SCNN1B: variants seen among roughly 807,000 people sequenced by gnomAD.
SCNN1B encodes the protein sodium channel epithelial 1 subunit beta.
A neutral mutation model predicts 65.3 loss-of-function variants in SCNN1B; 46 were observed. That is an observed-to-expected ratio of 0.70 (90% CI 0.56 to 0.90). The LOEUF is 0.90. SCNN1B is among the 40% of genes least tolerant of loss of function. The probability of loss-of-function intolerance (pLI) is 0.00; values close to 1 mark genes in which losing one functional copy is unlikely to be tolerated. For synonymous variants in SCNN1B, 349 were observed against 330.6 expected (o/e 1.06, Z -0.60); for missense variants, 751 against 830.5 (o/e 0.90, Z 1.18).
intron 1 of SCNN1B, among the ~76,000 whole-genome samples, chr16:23,309,325 CA>C (rs1171834142): frequency 1.3e-5 from 2 of 152,096 alleles, no homozygotes; most frequent in East Asian, 3.9e-4. Context: ...GACCTGCTCC[CA>C]CCCCACTATA....
chr16:23,373,071 C>T (rs981754722), intron 7 of SCNN1B, among the ~76,000 whole-genome samples: 8 of 152,136 alleles, frequency 5.3e-5, no homozygotes, highest in African/African-American at 1.4e-4. Flanking sequence ...CACGCCACTG[C>T]ACTCCAGCCT....
intron 1 of SCNN1B, among the ~76,000 whole-genome samples, chr16:23,321,104 GTA>G (rs923865209): frequency 3.3e-5 from 5 of 152,160 alleles, no homozygotes; most frequent in African/African-American, 9.7e-5. Context: ...GAGTGCAGTG[GTA>G]TGATAGCCGA....
At chr16:23,307,197 G>T (rs1668031912) in intron 1 of SCNN1B, among the ~76,000 whole-genome samples, 1 of 152,028 alleles carries the variant, frequency 6.6e-6, no homozygotes, top group African/African-American at 2.4e-5. Context: ...GTGCTGGGAG[G>T]GTTCGAAGAC....
chr16:23,312,219 C>T (rs1172415276), intron 1 of SCNN1B, among the ~76,000 whole-genome samples: 1 of 152,160 alleles, frequency 6.6e-6, no homozygotes, highest in Non-Finnish European at 1.5e-5. Context: ...ATCCTCCCAC[C>T]TCGAGCTCAC....
At chr16:23,288,023 G>A (rs1341421962) in intron 2 of SCNN1B, among the ~76,000 whole-genome samples, 2 of 151,782 alleles carry the variant, frequency 1.3e-5, no homozygotes, top group East Asian at 1.9e-4. Context: ...GGGCATGGTG[G>A]TGTGTGCCTG....
In SCNN1B at chr16:23,346,569, C is replaced by G. The variant is rs552042229; in HGVS notation, c.-8-2023C>G. 5.1e-4 allele frequency among the ~76,000 whole-genome samples: 77 copies of G among 152,214 alleles called. 2 individuals carry two copies. The South Asian group carries it at 0.011, about 21-fold the overall frequency. The stretch of plus-strand genomic sequence containing the variant: ...GCTTTGATGGCATCACACCCTCATG[C>G]CTCCAAAGGTTCCAGTTCTCTTGGG... On this transcript the variant is annotated intron_variant, in intron 1 of 12. Coordinates refer to ENST00000343070, the MANE Select transcript of SCNN1B (RefSeq NM_000336.3).
intron 2 of SCNN1B, among the ~76,000 whole-genome samples, chr16:23,284,495 A>T (rs1160121019): frequency 2.0e-5 from 3 of 152,196 alleles, no homozygotes; most frequent in Non-Finnish European, 2.9e-5. Flanking sequence ...AACAACCCAC[A>T]TGTTGGTCTT....
At chr16:23,323,390 C>T (rs1961628300) in intron 1 of SCNN1B, among the ~76,000 whole-genome samples, 1 of 152,086 alleles carries the variant, frequency 6.6e-6, no homozygotes, top group African/African-American at 2.4e-5. Flanking sequence ...TCCCAGGGTA[C>T]CCAAGGGCTC....
intron 1 of SCNN1B, among the ~76,000 whole-genome samples, chr16:23,331,659 T>A (rs967515868): frequency 4.6e-5 from 7 of 152,186 alleles, no homozygotes; most frequent in African/African-American, 1.7e-4. Context: ...CCACTCATGA[T>A]ACATGATTCA....
intron 1 of SCNN1B, among the ~76,000 whole-genome samples, chr16:23,318,732 C>T (rs888430861): frequency 6.6e-6 from 1 of 152,212 alleles, no homozygotes; most frequent in Non-Finnish European, 1.5e-5. Context: ...AGCACAGTGC[C>T]TGCTGCACAG....
At chr16:23,319,335 T>C (rs1001549637) in intron 1 of SCNN1B, among the ~76,000 whole-genome samples, 17 of 152,276 alleles carry the variant, frequency 1.1e-4, no homozygotes, top group Admixed American at 8.5e-4. Context: ...TGTGAGCCAC[T>C]GCGCCCAGCC....
At chr16:23,364,997 G>C (rs1276942510) in intron 4 of SCNN1B, among the ~76,000 whole-genome samples, 1 of 151,992 alleles carries the variant, frequency 6.6e-6, no homozygotes, top group African/African-American at 2.4e-5. Context: ...GTGGTGGCAG[G>C]CACCTATAAT....
At chr16:23,328,310 G>A (rs541506530) in intron 1 of SCNN1B, among the ~76,000 whole-genome samples, 2 of 152,126 alleles carry the variant, frequency 1.3e-5, no homozygotes, top group Non-Finnish European at 2.9e-5. Context: ...TTCTTGCTTA[G>A]GACAAAACTA....
Position 23,320,940 on chromosome 16 carries a change from G to A in SCNN1B, c.-9+18503G>A, listed in dbSNP as rs899772715. 3.9e-5 allele frequency among the ~76,000 whole-genome samples: 6 copies of A among 152,302 alleles called. No individual in the cohort carries two copies. In the East Asian group the frequency reaches 5.8e-4, roughly 15 times the overall value. On this transcript the variant is annotated intron_variant, in intron 1 of 12. Transcript: ENST00000343070. ...AAGAATGACCACCTAAGCCCCAGCCGGTTTCCCAGAGTCCTTGAACTTGAG... is the reference window on the plus strand; with the variant it reads ...AAGAATGACCACCTAAGCCCCAGCCAGTTTCCCAGAGTCCTTGAACTTGAG...
In SCNN1B at chr16:23,348,524, G is replaced by A. The variant is rs903683614; in HGVS notation, c.-8-68G>A. ...ACGTACCGCCGCCCAGTTCCTGGAC[G>A]TGACTGGGACATCCTCGCAGGCAAG... On this transcript the variant is annotated intron_variant, in intron 1 of 12. Coordinates refer to ENST00000343070, the MANE Select transcript of SCNN1B (RefSeq NM_000336.3). The surrounding 1 kb of genome is among the most constrained non-coding windows in gnomAD (Gnocchi z 4.5). 7.2e-6 allele frequency: 11 copies of A among 1,522,538 alleles called. No individual in the cohort carries two copies. The highest frequency in any genetic ancestry group is 3.4e-5 in the South Asian group (3 of 87,526). 94.3% of individuals were successfully genotyped at this position (1,522,538 alleles called of 1,614,324 possible).
At chr16:23,311,063 C>T (rs920367147) in intron 1 of SCNN1B, among the ~76,000 whole-genome samples, 8 of 152,218 alleles carry the variant, frequency 5.3e-5, no homozygotes, top group Admixed American at 3.9e-4. Context: ...ACTTTGAGGG[C>T]GGTTCGGCAA....
rs567754201 is a variant in SCNN1B at position 23,356,870 on chromosome 16, G to T, written c.776+1381G>T. ...CAGTCTCTAGGACAACCAGAAACGGGGGGAATCTCCATTCTATCCCCTCCT... is the reference window on the plus strand; with the variant it reads ...CAGTCTCTAGGACAACCAGAAACGGTGGGAATCTCCATTCTATCCCCTCCT... On this transcript the variant is annotated intron_variant, in intron 4 of 12. Transcript: ENST00000343070. Among the ~76,000 whole-genome samples, 13 of 152,194 alleles carry T rather than the reference G, an allele frequency of 8.5e-5. No individual in the cohort carries two copies. The South Asian group carries it at 2.7e-3, about 32-fold the overall frequency.
intron 2 of SCNN1B, among the ~76,000 whole-genome samples, chr16:23,285,217 G>A (rs910574992): frequency 6.6e-6 from 1 of 152,202 alleles, no homozygotes; most frequent in Non-Finnish European, 1.5e-5. Flanking sequence ...CTGTCACCCA[G>A]GCTGGAATGC....
rs1490458709 is a variant in SCNN1B, at chr16:23,375,738, G to T, written c.1153G>T (p.Ala385Ser). The change falls in exon 8 of 13, where the codon GCC (alanine) becomes TCC (serine). Residue 385 changes from alanine to serine, a missense_variant and splice_region_variant. Physicochemically the swap from Ala to Ser is moderately conservative, Grantham distance 99. Transcript: ENST00000343070. ...CTTATGAACCCCCTACCCTCCCCAG[G>T]CCTGTCTTCGCTCCTGCTTCCAAGA... Reference protein sequence around the residue: ...SDYNTTYSIQACLRSCFQDHM... With the variant: ...SDYNTTYSIQSCLRSCFQDHM... 2 of 1,610,178 alleles carry T rather than the reference G, an allele frequency of 1.2e-6. No individual in the cohort carries two copies. The highest frequency in any genetic ancestry group is 2.2e-5 in the South Asian group (2 of 91,006).
Sources: allele counts gnomAD v4.1 joint callset (sites outside exome capture counted in the v4.1 genomes callset), GRCh38; gene constraint gnomAD v4.1.1; non-coding constraint Gnocchi (gnomAD v3.1); transcripts MANE v1.5; gene names NCBI Gene and HGNC (gene_info 2026-07-23, HGNC 2026-07-21).